The following NUP188 variants were observed in gnomAD, a reference collection of about 807,000 sequenced individuals.
NUP188 encodes the protein nucleoporin 188.
A neutral mutation model predicts 223.0 loss-of-function variants in NUP188; 97 were observed. The observed-to-expected ratio is 0.43, with a 90% CI of 0.37 to 0.51. The LOEUF (loss-of-function observed/expected upper bound fraction) is 0.51. Ranked by LOEUF, NUP188 falls within the 20% of genes least tolerant of loss-of-function variation. The probability of loss-of-function intolerance (pLI) is 0.00; values close to 1 mark genes in which losing one functional copy is unlikely to be tolerated. For missense variants in NUP188, 1,947 were observed against 2,175.6 expected, an observed-to-expected ratio of 0.89 and a Z score of 2.09; for synonymous variants, 869 against 828.0, an observed-to-expected ratio of 1.05 and a Z score of -0.85.
intron 8 of NUP188, among the ~76,000 whole-genome samples, chr9:128,960,158 G>A (rs1403786697): frequency 2.0e-5 from 3 of 148,744 alleles, no homozygotes; most frequent in Admixed American, 2.0e-4. Context: ...CCACCTCCCG[G>A]GTTCACGCCA....
Position 128,956,429 on chromosome 9 carries a change from T to C in NUP188, c.241T>C (p.Phe81Leu). ...LKELGLRISK[F>L]LGLDEEQSVQ... The stretch of plus-strand genomic sequence containing the variant: ...GGAACTGGGTTTAAGAATCAGCAAG[T>C]TTTTGGTGAGTAAAAATTAGCACTC... The change falls in exon 4 of 44, where the codon TTT becomes CTT. Residue 81 changes from phenylalanine to leucine, a missense_variant. Coordinates refer to ENST00000372577, the MANE Select transcript of NUP188 (RefSeq NM_015354.3). The C allele has an allele frequency of 6.4e-7, 1 of 1,558,620 alleles. No homozygotes were observed. The highest frequency in any genetic ancestry group is 1.2e-5 in the South Asian group (1 of 82,550).
At position 128,993,146 on chromosome 9, in the gene NUP188, A is replaced by G. The variant is rs17481303; in HGVS notation, c.2641-51A>G. On this transcript the variant is annotated intron_variant, in intron 25 of 43. Transcript: ENST00000372577. Reference sequence around the variant, plus strand: ...AGTGCCCTTCTGTGGGAGCCCATTGAGGTTTTTGTGGAAGCAGAGCTCTAA... The same window carrying G: ...AGTGCCCTTCTGTGGGAGCCCATTGGGGTTTTTGTGGAAGCAGAGCTCTAA... The G allele has an allele frequency of 3.5e-3, 5,250 of 1,489,590 alleles. 156 individuals carry two copies. The East Asian group carries it at 0.058, about 16-fold the overall frequency. The allele number at this position is 1,489,590 out of a possible 1,614,324, so 92.3% of individuals were successfully genotyped here. A position where few individuals can be genotyped will look rare whatever the true frequency, so the allele number is the denominator to read the frequency against.
chr9:128,966,140 TGTG>T (rs1842024699), intron 8 of NUP188, among the ~76,000 whole-genome samples: 1 of 149,168 alleles, frequency 6.7e-6, no homozygotes, highest in Admixed American at 6.6e-5. Flanking sequence ...TGTGTGTGTG[TGTG>T]TGTGTGTGTG....
intron 12 of NUP188, among the ~76,000 whole-genome samples, chr9:128,976,391 C>G (rs1842175172): frequency 6.6e-6 from 1 of 152,078 alleles, no homozygotes. Context: ...TTTCTAGAGG[C>G]TGGGTGTGGT....
At position 128,952,962 on chromosome 9, in the gene NUP188, A is replaced by G; in HGVS notation, c.161+116A>G. 7 of 825,040 alleles carry G rather than the reference A, an allele frequency of 8.5e-6. No individual in the cohort carries two copies. In the South Asian group the frequency reaches 1.1e-4, roughly 13 times the overall value. The allele number at this position is 825,040 out of a possible 1,614,324, so 51.1% of individuals were successfully genotyped here. A position where few individuals can be genotyped will look rare whatever the true frequency, so the allele number is the denominator to read the frequency against. On this transcript the variant is annotated intron_variant, in intron 3 of 43. Transcript: ENST00000372577. ...TAGGGTTATGTATACCAGAGATAAT[A>G]CAATTTAGTTTACCAGTGGAAAACA...
chr9:128,957,897 G>A, intron 5 of NUP188, 113 bp from the exon 6 acceptor site: 1 of 811,920 alleles, frequency 1.2e-6, no homozygotes, highest in Non-Finnish European at 2.0e-6. Flanking sequence ...AGTATATGTA[G>A]AAACAAATGT....
intron 30 of NUP188, among the ~76,000 whole-genome samples, chr9:128,995,812 C>A (rs2131181529): frequency 6.6e-6 from 1 of 152,342 alleles, no homozygotes; most frequent in South Asian, 2.1e-4. Flanking sequence ...CTGCATCTGC[C>A]TCTTGTGCAA....
At chr9:129,002,065 T>C in intron 36 of NUP188, 89 bp downstream of exon 36, 1 of 1,055,718 alleles carries the variant, frequency 9.5e-7, no homozygotes, top group Non-Finnish European at 1.5e-6. Context: ...CCCCGGAAGT[T>C]GCTTTCCTCT....
chr9:129,003,887 C>T (rs1249797222), intron 38 of NUP188: 1 of 294,196 alleles, frequency 3.4e-6, no homozygotes, highest in Non-Finnish European at 6.4e-6. Context: ...TTGGGAGAAT[C>T]GCTTGAACCT....
intron 8 of NUP188, among the ~76,000 whole-genome samples, chr9:128,961,882 A>G (rs1336366413): frequency 1.3e-5 from 2 of 150,390 alleles, no homozygotes; most frequent in Non-Finnish European, 3.0e-5. Context: ...TGGCCTCCAA[A>G]GCGCTGGGAT....
chr9:128,976,768 C>A (rs1842181586), intron 12 of NUP188, among the ~76,000 whole-genome samples: 1 of 151,804 alleles, frequency 6.6e-6, no homozygotes. Flanking sequence ...TGACCTTACA[C>A]CTGGAGGATT....
chr9:128,995,203 G>A, intron 29 of NUP188, 116 bp from the exon 30 acceptor site: 2 of 775,248 alleles, frequency 2.6e-6, no homozygotes, highest in South Asian at 3.3e-5. Flanking sequence ...GTGTCCTGGA[G>A]CCGTCTGCCT....
intron 8 of NUP188, among the ~76,000 whole-genome samples, chr9:128,965,028 G>A (rs1190643075): frequency 2.0e-5 from 3 of 152,090 alleles, no homozygotes; most frequent in Non-Finnish European, 4.4e-5. Flanking sequence ...TTTGATAAAT[G>A]TTTTTGTCAG....
intron 3 of NUP188, among the ~76,000 whole-genome samples, chr9:128,954,614 G>C (rs1396792022): frequency 3.3e-5 from 5 of 151,474 alleles, no homozygotes; most frequent in Non-Finnish European, 7.4e-5. Context: ...TCAATCTCCT[G>C]ACCTCATGAT....
chr9:128,995,596 G>T (rs1003399397), intron 30 of NUP188, 82 bp downstream of exon 30: 6 of 1,201,578 alleles, frequency 5.0e-6, no homozygotes, highest in South Asian at 1.5e-5. Flanking sequence ...ACAGCTCCTT[G>T]TGCGGAAGAA....
Position 128,990,232 on chromosome 9 carries a change from A to G in NUP188, c.2640+6A>G, listed in dbSNP as rs1842395951. 2.5e-6 allele frequency: 4 copies of G among 1,600,082 alleles called. No homozygotes were observed. The highest frequency in any genetic ancestry group is 3.4e-6 in the Non-Finnish European group (4 of 1,167,178). On this transcript the variant is annotated splice_donor_region_variant and intron_variant, in intron 25 of 43. Coordinates refer to ENST00000372577, the MANE Select transcript of NUP188 (RefSeq NM_015354.3). ...TGCTGAAACGTCTGGCCACGGTAGG[A>G]TCGTACTTCATGCACACACACTGTT...
chr9:128,977,354 T>C (rs1251077813), intron 12 of NUP188, among the ~76,000 whole-genome samples: 1 of 151,856 alleles, frequency 6.6e-6, no homozygotes, highest in African/African-American at 2.4e-5. Context: ...CTCCTGACCT[T>C]GTGATCTGCC....
At chr9:128,979,725 C>T (rs76447559) in intron 13 of NUP188, among the ~76,000 whole-genome samples, 1 of 152,054 alleles carries the variant, frequency 6.6e-6, no homozygotes, top group Non-Finnish European at 1.5e-5. Flanking sequence ...CTCTGCCTCC[C>T]GGGTTCAAGC....
chr9:128,959,018 G>A lies in NUP188; in HGVS notation c.469G>A (p.Glu157Lys). 2 of 1,557,116 alleles carry A rather than the reference G, an allele frequency of 1.3e-6. No individual in the cohort carries two copies. Among genetic ancestry groups the A allele is most frequent in the South Asian group, 1.2e-5 (1 of 82,014 alleles). ...FQDERHPYRV[E>K]YADCVDKLEK... The stretch of plus-strand genomic sequence containing the variant: ...TTACTCTTTTGATTTTTTAAAGGTT[G>A]AATATGCAGACTGTGTTGATAAATT... The change falls in exon 8 of 44, where the codon GAA (glutamate) becomes AAA (lysine). Residue 157 changes from glutamate to lysine, a missense_variant. Glu to Lys is a moderately conservative substitution (Grantham distance 56, BLOSUM62 1). Around this residue, in one of 3 missense-constraint regions of NUP188, gnomAD observed 817 missense variants for 865.8 expected, o/e 0.94. Coordinates refer to ENST00000372577, the MANE Select transcript of NUP188 (RefSeq NM_015354.3).
Sources: gnomAD v4.1 joint callset for allele counts (sites outside exome capture counted in the v4.1 genomes callset) on GRCh38, gnomAD v4.1.1 for gene constraint, gnomAD v4.1.1 regional missense constraint, MANE v1.5 for transcripts, NCBI Gene and HGNC (gene_info 2026-07-23, HGNC 2026-07-21) for gene names.